PLEKHA7: variants seen among roughly 807,000 people sequenced by gnomAD.
PLEKHA7 encodes pleckstrin homology domain-containing family A member 7.
A neutral mutation model predicts 170.0 loss-of-function variants in PLEKHA7; 104 were observed. The observed-to-expected ratio is 0.61, with a 90% CI of 0.52 to 0.72. The LOEUF (loss-of-function observed/expected upper bound fraction) is 0.72, where lower values mean the gene tolerates loss of function less well. Among genes scored for constraint, PLEKHA7 ranks in the 30% least tolerant of loss-of-function variants. PLEKHA7 has a pLI of 0.00. For synonymous variants in PLEKHA7, 648 were observed against 660.8 expected (o/e 0.98, Z 0.30); for missense variants, 1,615 against 1,671.7 (o/e 0.97, Z 0.59).
At chr11:16,840,428 C>T (rs527812522) in intron 9 of PLEKHA7, among the ~76,000 whole-genome samples, 4 of 152,006 alleles carry the variant, frequency 2.6e-5, no homozygotes, top group Non-Finnish European at 4.4e-5. Context: ...GGCGTGGTGG[C>T]GGGCACCTGT....
intron 3 of PLEKHA7, among the ~76,000 whole-genome samples, chr11:16,997,676 C>A (rs2137010754): frequency 6.6e-6 from 1 of 152,288 alleles, no homozygotes. Context: ...GGGCTCTCTG[C>A]AACACCTGGG....
intron 3 of PLEKHA7, among the ~76,000 whole-genome samples, chr11:16,924,094 C>G (rs1859304021): frequency 6.6e-6 from 1 of 152,094 alleles, no homozygotes; most frequent in Non-Finnish European, 1.5e-5. Context: ...CCCTTCCACT[C>G]CCACTCATTA....
At position 16,826,070 on chromosome 11, in the gene PLEKHA7, A is replaced by G. The variant is rs1850612657; in HGVS notation, c.1343+50T>C. The G allele has an allele frequency of 1.9e-6, 3 of 1,547,462 alleles. No individual in the cohort carries two copies. The Admixed American group carries it at 5.3e-5, about 27-fold the overall frequency. ...TGCTGGCTAAATGACAGCTCTTGCC[A>G]CTACATTATCGTGCTCGTTATAAGC... On this transcript the variant is annotated intron_variant, in intron 10 of 26. Coordinates refer to ENST00000531066, the MANE Select transcript of PLEKHA7 (RefSeq NM_001329630.2).
At chr11:16,880,688 C>T (rs889844605) in intron 3 of PLEKHA7, among the ~76,000 whole-genome samples, 2 of 152,220 alleles carry the variant, frequency 1.3e-5, no homozygotes, top group African/African-American at 2.4e-5. Context: ...CTTCCACCAG[C>T]CACACTTCCA....
At chr11:16,895,953 T>C (rs756051370) in intron 3 of PLEKHA7, among the ~76,000 whole-genome samples, 38 of 152,172 alleles carry the variant, frequency 2.5e-4, no homozygotes, top group Non-Finnish European at 1.2e-4. Flanking sequence ...TTCTCCCCTA[T>C]AAAACAGCCC....
At chr11:16,891,092 C>CTATTCTATTCTATTCTATTCTATTA (rs1263447196) in intron 3 of PLEKHA7, among the ~76,000 whole-genome samples, 7 of 151,898 alleles carry the variant, frequency 4.6e-5, no homozygotes, top group Admixed American at 1.3e-4. Context: ...CTATTCTATT[C>CTATTCTATTCTATTCTATTCTATTA]TTTTTAGAGA....
Position 16,915,454 on chromosome 11 carries a change from T to C in PLEKHA7, c.222-44272A>G, listed in dbSNP as rs543483075. Among the ~76,000 whole-genome samples the C allele has an allele frequency of 2.2e-3, 327 of 152,084 alleles. 1 individual carries two copies. The highest frequency in any genetic ancestry group is 7.4e-3 in the African/African-American group (308 of 41,522). ...GTATACATGTGCCATGCTGGTGCGC[T>C]GCACCCACTAACTCGTCATCTAGCA... On this transcript the variant is annotated intron_variant, in intron 3 of 26. Coordinates refer to ENST00000531066, the MANE Select transcript of PLEKHA7 (RefSeq NM_001329630.2).
chr11:17,007,151 T>C (rs1056947302), intron 3 of PLEKHA7, among the ~76,000 whole-genome samples: 1 of 152,198 alleles, frequency 6.6e-6, no homozygotes, highest in East Asian at 1.9e-4. Flanking sequence ...CAGGTGCTTG[T>C]GCTCTATGGT....
At chr11:17,002,156 G>A (rs944546448) in intron 3 of PLEKHA7, among the ~76,000 whole-genome samples, 2 of 151,840 alleles carry the variant, frequency 1.3e-5, no homozygotes, top group East Asian at 3.9e-4. Context: ...TTCTGAGGGA[G>A]GCCCAAGGGG....
Position 16,800,269 on chromosome 11 carries a change from A to G in PLEKHA7, c.2409+705T>C, listed in dbSNP as rs145172832. 8.2e-3 allele frequency among the ~76,000 whole-genome samples: 1,256 copies of G among 152,340 alleles called. 19 individuals carry two copies. The highest frequency in any genetic ancestry group is 0.029 in the African/African-American group (1,188 of 41,586). ...GGGTGGGGTGGAAACCTGGTTAAGCACCACAGTGGGGGAACACTGGGCAAT... is the reference window on the plus strand; with the variant it reads ...GGGTGGGGTGGAAACCTGGTTAAGCGCCACAGTGGGGGAACACTGGGCAAT... On this transcript the variant is annotated intron_variant, in intron 17 of 26. Coordinates refer to ENST00000531066, the MANE Select transcript of PLEKHA7 (RefSeq NM_001329630.2).
intron 15 of PLEKHA7, 152 bp from the exon 16 acceptor site, chr11:16,801,969 C>G: frequency 1.1e-6 from 1 of 923,180 alleles, no homozygotes; most frequent in East Asian, 2.6e-5. Context: ...CTGATGCCAG[C>G]TCTGACTCTG....
At position 16,826,194 on chromosome 11, in the gene PLEKHA7, T is replaced by C. The variant is rs2134950853; in HGVS notation, c.1269A>G (p.Glu423=). 1 of 1,614,234 alleles carries C rather than the reference T, an allele frequency of 6.2e-7. No individual in the cohort carries two copies. Among genetic ancestry groups the C allele is most frequent in the Middle Eastern group, 1.6e-4 (1 of 6,062 alleles). The change falls in exon 10 of 27, where the codon GAA becomes GAG. Residue 423 remains glutamate, a synonymous_variant. Transcript: ENST00000531066. Reference sequence around the variant, plus strand: ...GATTGCTCTTCCTTTGGCTGTGTTTTTCAGGGTTGGTCCTGGGAGGAAAGG... The same window carrying C: ...GATTGCTCTTCCTTTGGCTGTGTTTCTCAGGGTTGGTCCTGGGAGGAAAGG... The part of the protein sequence containing the change: ...QRAFPPRTNP[E]KHSQRKSNLA...
At chr11:16,859,057 G>A (rs372433497) in intron 4 of PLEKHA7, among the ~76,000 whole-genome samples, 3 of 152,354 alleles carry the variant, frequency 2.0e-5, no homozygotes, top group African/African-American at 4.8e-5. Context: ...ATTAGGAAAT[G>A]TGACTAAAGT....
intron 26 of PLEKHA7, among the ~76,000 whole-genome samples, 200 bp from the exon 27 acceptor site, chr11:16,779,220 T>G (rs967334875): frequency 9.3e-5 from 14 of 149,876 alleles, no homozygotes; most frequent in African/African-American, 3.4e-4. Flanking sequence ...CCTATTCCAC[T>G]GCTAGACACA....
intron 15 of PLEKHA7, 124 bp downstream of exon 15, chr11:16,802,847 AT>A (rs61681973): frequency 1.3e-3 from 1,087 of 856,944 alleles, no homozygotes; most frequent in Middle Eastern, 1.8e-3. Context: ...CACCTGGTGC[AT>A]TTTTTTTTAA....
intron 3 of PLEKHA7, among the ~76,000 whole-genome samples, chr11:16,916,164 T>C (rs1275573830): frequency 6.6e-6 from 1 of 152,224 alleles, no homozygotes; most frequent in East Asian, 1.9e-4. Flanking sequence ...AGGTCTTCTT[T>C]TGAGAAGTGT....
At chr11:17,000,029 T>C (rs1408432546) in intron 3 of PLEKHA7, among the ~76,000 whole-genome samples, 1 of 152,184 alleles carries the variant, frequency 6.6e-6, no homozygotes, top group Admixed American at 6.5e-5. Context: ...AGGGGGGATA[T>C]GGACAGGGAG....
intron 3 of PLEKHA7, among the ~76,000 whole-genome samples, chr11:16,996,366 A>C (rs1462586211): frequency 6.6e-6 from 1 of 152,164 alleles, no homozygotes; most frequent in East Asian, 1.9e-4. Flanking sequence ...CAACATGGAG[A>C]CAGTAGACTC....
At chr11:16,901,428 T>C (rs1857328328) in intron 3 of PLEKHA7, among the ~76,000 whole-genome samples, 1 of 152,082 alleles carries the variant, frequency 6.6e-6, no homozygotes, top group Non-Finnish European at 1.5e-5. Context: ...TGCATGGGGG[T>C]TTATCCTTTC....
Sources: allele counts gnomAD v4.1 joint callset (sites outside exome capture counted in the v4.1 genomes callset), GRCh38; gene constraint gnomAD v4.1.1; transcripts MANE v1.5; gene names NCBI Gene and HGNC (gene_info 2026-07-23, HGNC 2026-07-21).